ADGRB3: variants seen among roughly 807,000 people sequenced by gnomAD.
The protein encoded by ADGRB3 is brain-specific angiogenesis inhibitor 3.
Under a neutral mutation model 193.4 loss-of-function variants are expected in ADGRB3, and 37 were observed. The ratio of observed to expected loss-of-function variants is 0.19; its 90% CI spans 0.15 to 0.25. ADGRB3 has a LOEUF of 0.25. Among genes scored for constraint, ADGRB3 ranks in the 10% least tolerant of loss-of-function variants. The pLI, the probability that ADGRB3 is intolerant of heterozygous loss-of-function variation, is 1.00. For synonymous variants in ADGRB3, 690 were observed against 644.2 expected, an observed-to-expected ratio of 1.07 and a Z score of -1.08; for missense variants, 1,637 against 1,852.9, an observed-to-expected ratio of 0.88 and a Z score of 2.14.
At chr6:68,826,855 A>C (rs1228000464) in intron 3 of ADGRB3, among the ~76,000 whole-genome samples, 1 of 152,168 alleles carries the variant, frequency 6.6e-6, no homozygotes. Context: ...GAACAACTGC[A>C]AGGATAGATT....
chr6:68,938,242 ATGTT>A (rs1428078432), intron 5 of ADGRB3, among the ~76,000 whole-genome samples: 1 of 152,068 alleles, frequency 6.6e-6, no homozygotes, highest in African/African-American at 2.4e-5. Context: ...ACAAGAAAAA[ATGTT>A]TAAGGAGTTT....
intron 3 of ADGRB3, among the ~76,000 whole-genome samples, chr6:68,748,932 T>G (rs1380848847): frequency 6.6e-6 from 1 of 152,212 alleles, no homozygotes; most frequent in Non-Finnish European, 1.5e-5. Context: ...CAATGCCACA[T>G]GTAAGCCACC....
At position 69,048,320 on chromosome 6, in the gene ADGRB3, C is replaced by A; in HGVS notation, c.2243C>A (p.Pro748Gln). 1.2e-6 allele frequency: 2 copies of A among 1,612,866 alleles called. No individual in the cohort carries two copies. Among genetic ancestry groups the A allele is most frequent in the South Asian group, 1.1e-5 (1 of 90,984 alleles). ...GTAATTCCAAAAAGCATTTTCACTCCGGTGTCATCAAAAGGTAAATATCTG... is the reference window on the plus strand; with the variant it reads ...GTAATTCCAAAAAGCATTTTCACTCAGGTGTCATCAAAAGGTAAATATCTG... Reference protein sequence around the residue: ...RVVIPKSIFTPVSSKELDESS... With the variant: ...RVVIPKSIFTQVSSKELDESS... Residue 748 changes from proline to glutamine, a missense_variant, in exon 14 of 32, where the codon CCG becomes CAG. By Grantham distance (76) the Pro-to-Gln change is moderately conservative. Around this residue, in one of 7 missense-constraint regions of ADGRB3, gnomAD observed 641 missense variants for 673.9 expected, o/e 0.95. Coordinates refer to ENST00000370598, the MANE Select transcript of ADGRB3 (RefSeq NM_001704.3).
At position 68,975,334 on chromosome 6, in the gene ADGRB3, G is replaced by A. The variant is rs767002445; in HGVS notation, c.1728G>A (p.Gln576=). The change falls in exon 10 of 32, where the codon CAG becomes CAA. Residue 576 remains glutamine, a synonymous_variant. Coordinates refer to ENST00000370598, the MANE Select transcript of ADGRB3 (RefSeq NM_001704.3). Reference sequence around the variant, plus strand: ...TATCAAATGAGTACAGACACTTGCAGCATTCAGTAGGTGCAAAGCCAGCTT... The same window carrying A: ...TATCAAATGAGTACAGACACTTGCAACATTCAGTAGGTGCAAAGCCAGCTT... The part of the protein sequence containing the change: ...RCISNEYRHL[Q]HSIKEHLAKG... The A allele has an allele frequency of 1.9e-6, 3 of 1,612,006 alleles. No homozygotes were observed. In the South Asian group the frequency reaches 3.3e-5, roughly 18 times the overall value.
chr6:69,070,515 AAAT>A, intron 16 of ADGRB3, among the ~76,000 whole-genome samples: 1 of 152,326 alleles, frequency 6.6e-6, no homozygotes, highest in East Asian at 1.9e-4. Context: ...TGACTAAAAT[AAAT>A]AATAATGCAT....
At chr6:69,285,591 A>G (rs1031385369) in intron 20 of ADGRB3, among the ~76,000 whole-genome samples, 3 of 152,050 alleles carry the variant, frequency 2.0e-5, no homozygotes, top group African/African-American at 7.2e-5. Context: ...GAATTGCTTG[A>G]ACCCGGGAGG....
At chr6:69,313,283 C>A (rs113247741) in intron 20 of ADGRB3, among the ~76,000 whole-genome samples, 4 of 151,828 alleles carry the variant, frequency 2.6e-5, no homozygotes, top group Non-Finnish European at 4.4e-5. Context: ...GTGCAGCCAA[C>A]GTTGGGAAAT....
rs368287387 is a variant in ADGRB3, at chr6:69,338,899, G to A, written c.3189-17G>A. On this transcript the variant is annotated splice_polypyrimidine_tract_variant and intron_variant, in intron 24 of 31. Transcript: ENST00000370598. Reference sequence around the variant, plus strand: ...TCAATATTTTGTTCTTTTTGTGGGTGTTCTGTTTGTTTGCAGTCAGATGAG... The same window carrying A: ...TCAATATTTTGTTCTTTTTGTGGGTATTCTGTTTGTTTGCAGTCAGATGAG... 27 of 1,605,682 alleles carry A rather than the reference G, an allele frequency of 1.7e-5. No homozygotes were observed. The African/African-American group carries it at 3.1e-4, about 18-fold the overall frequency.
At chr6:68,934,074 T>C (rs1767421099) in intron 4 of ADGRB3, among the ~76,000 whole-genome samples, 1 of 152,208 alleles carries the variant, frequency 6.6e-6, no homozygotes, top group Admixed American at 6.6e-5. Context: ...TTCATACTTT[T>C]ATAAATAAGG....
intron 3 of ADGRB3, among the ~76,000 whole-genome samples, chr6:68,675,530 G>C (rs1177141122): frequency 6.6e-6 from 1 of 152,096 alleles, no homozygotes; most frequent in Non-Finnish European, 1.5e-5. Context: ...CAACATGAGG[G>C]AAGAGTCTAA....
intron 10 of ADGRB3, among the ~76,000 whole-genome samples, chr6:68,979,327 A>T (rs759741933): frequency 2.0e-5 from 3 of 151,430 alleles, no homozygotes; most frequent in South Asian, 2.1e-4. Flanking sequence ...ATAAGCCTTC[A>T]TGTGCAATTT....
At chr6:68,889,483 T>C (rs1446301412) in intron 3 of ADGRB3, among the ~76,000 whole-genome samples, 1 of 144,060 alleles carries the variant, frequency 6.9e-6, no homozygotes, top group Non-Finnish European at 1.5e-5. Flanking sequence ...AAAATAAATA[T>C]TCCTTTTTTT....
intron 6 of ADGRB3, among the ~76,000 whole-genome samples, chr6:68,951,050 C>T (rs1011973056): frequency 6.6e-6 from 1 of 152,142 alleles, no homozygotes; most frequent in Non-Finnish European, 1.5e-5. Context: ...CCACAAGCCC[C>T]AGTCTTCTCT....
chr6:69,079,899 CTTG>C (rs1772338479), intron 17 of ADGRB3, among the ~76,000 whole-genome samples: 1 of 152,026 alleles, frequency 6.6e-6, no homozygotes, highest in Middle Eastern at 3.2e-3. Context: ...ATTTACCTAT[CTTG>C]TTGTTGAAAA....
chr6:68,903,745 G>A (rs1766460542), intron 3 of ADGRB3, among the ~76,000 whole-genome samples: 1 of 151,928 alleles, frequency 6.6e-6, no homozygotes, highest in Non-Finnish European at 1.5e-5. Flanking sequence ...CAGTGGTCAT[G>A]CCTGAAATCC....
chr6:69,137,584 G>T (rs1774189809), intron 17 of ADGRB3, among the ~76,000 whole-genome samples: 1 of 152,082 alleles, frequency 6.6e-6, no homozygotes. Flanking sequence ...AGATCACAAG[G>T]TCAGGAGTTC....
At chr6:68,928,222 G>T (rs1400009506) in intron 3 of ADGRB3, among the ~76,000 whole-genome samples, 2 of 152,058 alleles carry the variant, frequency 1.3e-5, no homozygotes, top group Non-Finnish European at 2.9e-5. Context: ...AATTGAATGT[G>T]ACACTTTTAA....
At chr6:68,680,524 C>T (rs1764876783) in intron 3 of ADGRB3, among the ~76,000 whole-genome samples, 1 of 152,072 alleles carries the variant, frequency 6.6e-6, no homozygotes, top group Non-Finnish European at 1.5e-5. Flanking sequence ...TGTGGTAGAG[C>T]TGGTTAACCT....
chr6:69,129,452 CAAAT>C (rs751612926), intron 17 of ADGRB3, among the ~76,000 whole-genome samples: 2 of 151,486 alleles, frequency 1.3e-5, no homozygotes, highest in African/African-American at 2.4e-5. Flanking sequence ...AAATTAGTGA[CAAAT>C]AAGGAGAAAA....
Sources: gnomAD v4.1 joint callset for allele counts (sites outside exome capture counted in the v4.1 genomes callset) on GRCh38, gnomAD v4.1.1 for gene constraint, gnomAD v4.1.1 regional missense constraint, MANE v1.5 for transcripts, NCBI Gene and HGNC (gene_info 2026-07-23, HGNC 2026-07-21) for gene names.